The following HACE1 variants were observed in gnomAD, a reference collection of about 807,000 sequenced individuals.
The protein encoded by HACE1 is E3 ubiquitin-protein ligase HACE1.
A neutral mutation model predicts 118.4 loss-of-function variants in HACE1; 73 were observed. The ratio of observed to expected loss-of-function variants is 0.62; its 90% CI spans 0.51 to 0.75. The LOEUF is 0.75. HACE1 is among the 30% of genes least tolerant of loss of function. HACE1 has a pLI of 0.00. For missense variants in HACE1, 749 were observed against 1,102.2 expected (o/e 0.68, Z 4.54); for synonymous variants, 368 against 374.8 (o/e 0.98, Z 0.21).
chr6:104,818,248 C>T (rs1772317598), intron 6 of HACE1, among the ~76,000 whole-genome samples: 1 of 152,124 alleles, frequency 6.6e-6, no homozygotes, highest in Non-Finnish European at 1.5e-5. Context: ...ATTTCAGTCA[C>T]TATTTTATAA....
chr6:104,795,040 A>C (rs1783464439), intron 10 of HACE1, among the ~76,000 whole-genome samples: 1 of 152,196 alleles, frequency 6.6e-6, no homozygotes, highest in African/African-American at 2.4e-5. Flanking sequence ...CCACATAGAA[A>C]GAAGTGTAGC....
At position 104,785,369 on chromosome 6, in the gene HACE1, T is replaced by TAA. The variant is rs71729885; in HGVS notation, c.1075-52_1075-51dup. The TAA allele has an allele frequency of 9.3e-4, 683 of 737,518 alleles. 1 individual carries two copies. Among genetic ancestry groups the TAA allele is most frequent in the South Asian group, 1.1e-3 (63 of 56,022 alleles). The allele number at this position is 737,518 out of a possible 1,614,324, so 45.7% of individuals were successfully genotyped here. ...AAACATCATTCTTAAACTACAGGAT[T>TAA]AAAAAAAAAAAAACAAAACACAACT... On this transcript the variant is annotated intron_variant, in intron 11 of 23. Transcript: ENST00000262903.
At chr6:104,828,401 T>A (rs975357242) in intron 6 of HACE1, among the ~76,000 whole-genome samples, 1 of 152,064 alleles carries the variant, frequency 6.6e-6, no homozygotes, top group African/African-American at 2.4e-5. Context: ...TCCTTAATTA[T>A]ATCACCAGTA....
intron 22 of HACE1, among the ~76,000 whole-genome samples, chr6:104,732,915 A>G (rs1285206784): frequency 5.3e-5 from 8 of 152,214 alleles, no homozygotes; most frequent in African/African-American, 1.9e-4. Flanking sequence ...GGCAACATTA[A>G]AAGTATGCCT....
intron 22 of HACE1, among the ~76,000 whole-genome samples, chr6:104,737,646 G>A (rs1476615826): frequency 1.3e-5 from 2 of 152,230 alleles, no homozygotes; most frequent in Non-Finnish European, 2.9e-5. Flanking sequence ...CGCACCACGA[G>A]ATTATATCCT....
At chr6:104,836,637 C>T (rs960324408) in intron 5 of HACE1, among the ~76,000 whole-genome samples, 1 of 152,102 alleles carries the variant, frequency 6.6e-6, no homozygotes, top group Non-Finnish European at 1.5e-5. Flanking sequence ...TGCTTGAATC[C>T]AGGAGGCAGA....
chr6:104,790,980 G>A (rs932534620), intron 11 of HACE1, among the ~76,000 whole-genome samples: 2 of 152,076 alleles, frequency 1.3e-5, no homozygotes, highest in Admixed American at 1.3e-4. Context: ...TAGAAAGGCA[G>A]CTGAAGCAAT....
intron 5 of HACE1, among the ~76,000 whole-genome samples, chr6:104,842,704 A>C (rs1775237040): frequency 6.6e-6 from 1 of 152,220 alleles, no homozygotes; most frequent in Non-Finnish European, 1.5e-5. Context: ...CTTCAAAATA[A>C]ACAAAAGTCA....
intron 7 of HACE1, among the ~76,000 whole-genome samples, chr6:104,802,891 C>T (rs955718560): frequency 2.6e-4 from 39 of 152,046 alleles, no homozygotes; most frequent in African/African-American, 8.9e-4. Context: ...AATAGAGACA[C>T]AAAAAACCCT....
At chr6:104,796,906 C>A in intron 8 of HACE1, 23 bp downstream of exon 8, 1 of 1,313,614 alleles carries the variant, frequency 7.6e-7, no homozygotes, top group South Asian at 1.2e-5. Context: ...ATAAGGGGCT[C>A]AGAATATAAA....
chr6:104,741,327 A>G (rs1776658090), intron 22 of HACE1, among the ~76,000 whole-genome samples: 1 of 146,428 alleles, frequency 6.8e-6, no homozygotes, highest in South Asian at 2.2e-4. Context: ...AGGCAGGAGA[A>G]GGATATAAAG....
At chr6:104,845,876 C>T (rs1047589794) in intron 4 of HACE1, 6 of 152,160 alleles carry the variant, frequency 3.9e-5, no homozygotes, top group Admixed American at 2.6e-4. Context: ...AATCATGAGA[C>T]CACAAACCAG....
chr6:104,821,392 A>G (rs548613840), intron 6 of HACE1, among the ~76,000 whole-genome samples: 9 of 152,362 alleles, frequency 5.9e-5, no homozygotes, highest in Admixed American at 5.9e-4. Flanking sequence ...CAACTGGCTC[A>G]GGAGAGATGA....
At chr6:104,762,637 G>A (rs145792075) in intron 19 of HACE1, among the ~76,000 whole-genome samples, 7,467 of 152,112 alleles carry the variant, frequency 0.049, 242 homozygotes, top group Non-Finnish European at 0.079. Flanking sequence ...ACCATGGCAC[G>A]TGTATACCTA....
chr6:104,791,127 T>C (rs1286397715), intron 11 of HACE1, among the ~76,000 whole-genome samples: 2 of 152,206 alleles, frequency 1.3e-5, no homozygotes, highest in Non-Finnish European at 2.9e-5. Flanking sequence ...CATATCATAT[T>C]AAAATCTAAA....
At chr6:104,765,897 G>A (rs1779953923) in intron 19 of HACE1, among the ~76,000 whole-genome samples, 2 of 152,278 alleles carry the variant, frequency 1.3e-5, no homozygotes, top group Admixed American at 1.3e-4. Context: ...GTTATATAGT[G>A]TGGTCATTCC....
chr6:104,739,666 G>C (rs1432716716), intron 22 of HACE1, among the ~76,000 whole-genome samples: 1 of 151,726 alleles, frequency 6.6e-6, no homozygotes, highest in African/African-American at 2.4e-5. Context: ...GATTCATAAA[G>C]CAAGTCCTGA....
intron 6 of HACE1, among the ~76,000 whole-genome samples, chr6:104,831,500 A>T (rs1317468171): frequency 6.6e-6 from 1 of 151,922 alleles, no homozygotes; most frequent in Non-Finnish European, 1.5e-5. Context: ...CACAAGGATC[A>T]CTTAAACCTG....
In HACE1 at chr6:104,763,139, AAGG is replaced by A. The variant is rs973935211; in HGVS notation, c.2211+8051_2211+8053del. 4.6e-5 allele frequency among the ~76,000 whole-genome samples: 7 copies of A among 152,246 alleles called. No homozygotes were observed. In the South Asian group the frequency reaches 6.2e-4, roughly 14 times the overall value. Reference sequence around the variant, plus strand: ...TTCTAGAATATACTATCTAAAATGCAAGGAGAAGTGTGTTTTCATGTTTTCATT... The same window carrying A: ...TTCTAGAATATACTATCTAAAATGCAAGAAGTGTGTTTTCATGTTTTCATT... On this transcript the variant is annotated intron_variant, in intron 19 of 23. Coordinates refer to ENST00000262903, the MANE Select transcript of HACE1 (RefSeq NM_020771.4).
Sources: allele counts gnomAD v4.1 joint callset (sites outside exome capture counted in the v4.1 genomes callset), GRCh38; gene constraint gnomAD v4.1.1; transcripts MANE v1.5; gene names NCBI Gene and HGNC (gene_info 2026-07-23, HGNC 2026-07-21).